The following CACNA1G variants were observed in gnomAD, a reference collection of about 807,000 sequenced individuals.
The protein encoded by CACNA1G is voltage-dependent T-type calcium channel subunit alpha-1G.
A neutral mutation model predicts 219.4 loss-of-function variants in CACNA1G; 67 were observed. The observed-to-expected ratio is 0.31, with a 90% CI of 0.25 to 0.37. The LOEUF (loss-of-function observed/expected upper bound fraction) is 0.37. CACNA1G is among the 10% of genes least tolerant of loss of function. The probability of loss-of-function intolerance (pLI) is 1.00; values close to 1 mark genes in which losing one functional copy is unlikely to be tolerated. For missense variants in CACNA1G, 2,380 were observed against 3,231.4 expected (o/e 0.74, Z 6.39); for synonymous variants, 1,296 against 1,345.3 (o/e 0.96, Z 0.80).
At chr17:50,625,319 C>G (rs1287898222) in intron 37 of CACNA1G, among the ~76,000 whole-genome samples, 10 of 152,238 alleles carry the variant, frequency 6.6e-5, no homozygotes, top group Non-Finnish European at 1.3e-4. Flanking sequence ...AGCGTGGACA[C>G]ATGAGAATCT....
At chr17:50,561,790 C>T in intron 1 of CACNA1G, 89 bp downstream of exon 1, 1 of 1,111,894 alleles carries the variant, frequency 9.0e-7, no homozygotes, top group Non-Finnish European at 1.1e-6. Flanking sequence ...GACCCACCGC[C>T]AGGTGAGTCG....
rs2053138286 is a variant in CACNA1G at position 50,624,430 on chromosome 17, T to C, written c.6300T>C (p.Pro2100=). 3.8e-6 allele frequency: 6 copies of C among 1,562,174 alleles called. No individual in the cohort carries two copies. In the Admixed American group the frequency reaches 7.2e-5, roughly 19 times the overall value. The change falls in exon 37 of 38, where the codon CCT becomes CCC. Residue 2100 remains proline (P), a synonymous_variant. Coordinates refer to ENST00000359106, the MANE Select transcript of CACNA1G (RefSeq NM_018896.5). ...TCCTGCAGCTTCCCAAAGATGCACC[T>C]CATCTGCTCCAGCCCCACAGCGCCC... ...SYILQLPKDA[P]HLLQPHSAPT...
Position 50,626,559 on chromosome 17 carries a change from C to A in CACNA1G, c.6942C>A (p.Asp2314Glu). 1 of 1,587,872 alleles carries A rather than the reference C, an allele frequency of 6.3e-7. No homozygotes were observed. Among genetic ancestry groups the A allele is most frequent in the East Asian group, 2.3e-5 (1 of 44,184 alleles). Residue 2314 changes from aspartate (D) to glutamate (E), a missense_variant, in exon 38 of 38, where the codon GAC becomes GAA. Transcript: ENST00000359106. This position sits in a 1 kb window ranked among gnomAD's most constrained non-coding sequence, Gnocchi z 4.3. ...TCAGCCCGCCTAGTATCACCATAGACCCCCCCGAGAGCCAAGGTCCTCGGA... is the reference window on the plus strand; with the variant it reads ...TCAGCCCGCCTAGTATCACCATAGAACCCCCCGAGAGCCAAGGTCCTCGGA... ...KKLSPPSITIDPPESQGPRTP... is the reference protein window; with the variant it reads ...KKLSPPSITIEPPESQGPRTP...
chr17:50,619,624 C>T (rs1295743405), intron 33 of CACNA1G, 59 bp from the exon 34 acceptor site: 19 of 1,540,788 alleles, frequency 1.2e-5, no homozygotes, highest in Non-Finnish European at 1.8e-6. Flanking sequence ...CTTCCCATCA[C>T]TGCCCTCTGA....
At chr17:50,590,122 C>T (rs149098135) in intron 9 of CACNA1G, among the ~76,000 whole-genome samples, 6 of 152,266 alleles carry the variant, frequency 3.9e-5, no homozygotes, top group Non-Finnish European at 7.4e-5. Flanking sequence ...GGCCTGGGCC[C>T]GCTAGGCTTG....
chr17:50,613,345 A>T (rs1376137157), intron 26 of CACNA1G, among the ~76,000 whole-genome samples: 1 of 152,130 alleles, frequency 6.6e-6, no homozygotes, highest in Non-Finnish European at 1.5e-5. Flanking sequence ...GCCAGGGTGG[A>T]GGGGTGTTTG....
Position 50,618,200 on chromosome 17 carries a change from C to A in CACNA1G, c.5306-22C>A, listed in dbSNP as rs748915488. 2.3e-5 allele frequency: 37 copies of A among 1,613,006 alleles called. No individual in the cohort carries two copies. Among genetic ancestry groups the A allele is most frequent in the Non-Finnish European group, 2.7e-5 (32 of 1,179,264 alleles). ...GGCTCCTGGACTAACATGGGCCTCTCCCCCTTTCCCTCCTCCCCCAGAGTG... is the reference window on the plus strand; with the variant it reads ...GGCTCCTGGACTAACATGGGCCTCTACCCCTTTCCCTCCTCCCCCAGAGTG... On this transcript the variant is annotated intron_variant, in intron 31 of 37. Coordinates refer to ENST00000359106, the MANE Select transcript of CACNA1G (RefSeq NM_018896.5). The surrounding 1 kb of genome is among the most constrained non-coding windows in gnomAD (Gnocchi z 5.3).
intron 9 of CACNA1G, among the ~76,000 whole-genome samples, chr17:50,583,962 C>T (rs948729572): frequency 2.0e-5 from 3 of 152,078 alleles, no homozygotes; most frequent in Non-Finnish European, 4.4e-5. Flanking sequence ...GGGTAGGACG[C>T]AATTTCACTG....
chr17:50,564,521 G>T (rs191544958), intron 1 of CACNA1G, among the ~76,000 whole-genome samples: 1 of 144,190 alleles, frequency 6.9e-6, no homozygotes, highest in Non-Finnish European at 1.5e-5. Context: ...GAGGAGAGGG[G>T]GGGGAGGCCT....
At chr17:50,591,346 A>G (rs1371561661) in intron 10 of CACNA1G, 89 bp from the exon 11 acceptor site, 8 of 1,308,470 alleles carry the variant, frequency 6.1e-6, no homozygotes, top group Non-Finnish European at 8.1e-6. Context: ...CCACCCAGCC[A>G]GGCCCTTGGG....
Position 50,575,812 on chromosome 17 carries a change from C to T in CACNA1G, c.1410C>T (p.Pro470=), listed in dbSNP as rs1376145131. The change falls in exon 8 of 38, where the codon CCC becomes CCT. Residue 470 remains proline, a synonymous_variant. Coordinates refer to ENST00000359106, the MANE Select transcript of CACNA1G (RefSeq NM_018896.5). ...VRVGLLSSPA[P]LGGQETQPSS... is the part of the protein sequence containing the mutation. The stretch of plus-strand genomic sequence containing the variant: ...TTGGGCTGCTCAGCAGCCCAGCACC[C>T]CTCGGGGGCCAGGAGACCCAGCCCA... The T allele has an allele frequency of 6.4e-7, 1 of 1,551,418 alleles. No individual in the cohort carries two copies. The highest frequency in any genetic ancestry group is 2.4e-5 in the East Asian group (1 of 40,970).
At chr17:50,588,296 T>C (rs2043411150) in intron 9 of CACNA1G, among the ~76,000 whole-genome samples, 1 of 55,902 alleles carries the variant, frequency 1.8e-5, no homozygotes, top group South Asian at 9.4e-4. Flanking sequence ...TGTCTAATAT[T>C]CTTGGAGTCA....
intron 10 of CACNA1G, 105 bp downstream of exon 10, chr17:50,590,727 G>A (rs2044119916): frequency 8.9e-7 from 1 of 1,121,396 alleles, no homozygotes; most frequent in Non-Finnish European, 1.3e-6. Flanking sequence ...GGGGTCTGGA[G>A]TCAGGCCCCA....
rs1291804457 is a variant in CACNA1G at position 50,617,900 on chromosome 17, C to T, written c.5197C>T (p.Leu1733=). 2.5e-6 allele frequency: 4 copies of T among 1,613,590 alleles called. No individual in the cohort carries two copies. In the African/African-American group the frequency reaches 5.3e-5, roughly 22 times the overall value. The part of the protein sequence containing the change: ...LKMAVGMRAL[L]DTVMQALPQV... Reference sequence around the variant, plus strand: ...GATGGCTGTGGGCATGCGGGCGCTGCTGGACACGGTGATGCAGGCCCTGCC... The same window carrying T: ...GATGGCTGTGGGCATGCGGGCGCTGTTGGACACGGTGATGCAGGCCCTGCC... Residue 1733 remains leucine, a synonymous_variant, in exon 30 of 38, where the codon CTG becomes TTG. Transcript: ENST00000359106. The surrounding 1 kb of genome is among the most constrained non-coding windows in gnomAD (Gnocchi z 5.8).
intron 34 of CACNA1G, among the ~76,000 whole-genome samples, chr17:50,620,092 G>A (rs1258728157): frequency 2.6e-5 from 4 of 151,944 alleles, no homozygotes; most frequent in African/African-American, 4.8e-5. Flanking sequence ...AGGGGAGAGG[G>A]GATTTGTAAG....
chr17:50,619,549 C>T, intron 33 of CACNA1G, 134 bp from the exon 34 acceptor site: 6 of 644,978 alleles, frequency 9.3e-6, no homozygotes, highest in African/African-American at 2.0e-5. Context: ...TGCACATGTG[C>T]ATGTGTGTTG....
chr17:50,626,480 C>T lies in CACNA1G; in HGVS notation c.6863C>T (p.Ser2288Phe), dbSNP rs1214443430. 6.3e-7 allele frequency: 1 copy of T among 1,596,122 alleles called. No homozygotes were observed. The highest frequency in any genetic ancestry group is 1.7e-5 in the Admixed American group (1 of 57,746). ...GSQPHLGTDP[S>F]NLGGQPLGGP... is the part of the protein sequence containing the mutation. Reference sequence around the variant, plus strand: ...CAACCCCACCTGGGCACAGACCCCTCTAACCTTGGGGGCCAGCCTCTTGGG... The same window carrying T: ...CAACCCCACCTGGGCACAGACCCCTTTAACCTTGGGGGCCAGCCTCTTGGG... Residue 2288 changes from serine (S) to phenylalanine (F), a missense_variant, in exon 38 of 38, where the codon TCT becomes TTT. Physicochemically the swap from Ser to Phe is radical, Grantham distance 155. Transcript: ENST00000359106. The surrounding 1 kb of genome is among the most constrained non-coding windows in gnomAD (Gnocchi z 4.3).
chr17:50,594,287 A>G (rs982234047), intron 13 of CACNA1G, among the ~76,000 whole-genome samples: 1 of 152,228 alleles, frequency 6.6e-6, no homozygotes, highest in African/African-American at 2.4e-5. Flanking sequence ...TGAGGCCATT[A>G]ATTGATACTA....
At chr17:50,588,416 G>A (rs1043742912) in intron 9 of CACNA1G, among the ~76,000 whole-genome samples, 4 of 53,416 alleles carry the variant, frequency 7.5e-5, no homozygotes, top group Non-Finnish European at 1.4e-4. Context: ...CGAAAACACG[G>A]CGAGTGGCAG....
Sources: gnomAD v4.1 joint callset for allele counts (sites outside exome capture counted in the v4.1 genomes callset) on GRCh38, gnomAD v4.1.1 for gene constraint, Gnocchi (gnomAD v3.1) non-coding constraint, MANE v1.5 for transcripts, NCBI Gene and HGNC (gene_info 2026-07-23, HGNC 2026-07-21) for gene names.